The following BBX variants were observed in gnomAD, a reference collection of about 807,000 sequenced individuals.
BBX encodes HMG box transcription factor BBX.
BBX carries 30 observed loss-of-function variants against 100.2 expected under a neutral mutation model. That is an observed-to-expected ratio of 0.30 (90% CI 0.22 to 0.41). BBX has a LOEUF of 0.41. Ranked by LOEUF, BBX falls within the 10% of genes least tolerant of loss-of-function variation. BBX has a pLI of 1.00. For synonymous variants in BBX, 376 were observed against 388.1 expected (o/e 0.97, Z 0.37); for missense variants, 1,023 against 1,129.8 (o/e 0.91, Z 1.35).
At position 107,670,124 on chromosome 3, in the gene BBX, G is replaced by A. The variant is rs564624423; in HGVS notation, c.-10+24215G>A. On this transcript the variant is annotated intron_variant, in intron 3 of 17. Transcript: ENST00000325805. ...TAGATTTAACTATTTCTTATTCACA[G>A]CATTTGAGGAAATGCACTTTAAATT... Among the ~76,000 whole-genome samples the A allele has an allele frequency of 5.9e-5, 9 of 152,094 alleles. No individual in the cohort carries two copies. The South Asian group carries it at 1.9e-3, about 32-fold the overall frequency.
intron 2 of BBX, among the ~76,000 whole-genome samples, chr3:107,590,558 A>G (rs1169713890): frequency 6.6e-6 from 1 of 152,068 alleles, no homozygotes; most frequent in Non-Finnish European, 1.5e-5. Flanking sequence ...TCTACTCTCT[A>G]CCTCCATAAG....
At chr3:107,712,687 C>A (rs1187839435) in intron 4 of BBX, among the ~76,000 whole-genome samples, 1 of 152,178 alleles carries the variant, frequency 6.6e-6, no homozygotes, top group African/African-American at 2.4e-5. Flanking sequence ...CCGGCCTCTG[C>A]TCTTGCCCTC....
intron 3 of BBX, among the ~76,000 whole-genome samples, chr3:107,690,443 G>A (rs2060089588): frequency 6.6e-6 from 1 of 152,146 alleles, no homozygotes; most frequent in Non-Finnish European, 1.5e-5. Flanking sequence ...CTAAATTAAT[G>A]AGAAATGGTT....
At chr3:107,600,544 G>T (rs1171498560) in intron 2 of BBX, among the ~76,000 whole-genome samples, 1 of 152,132 alleles carries the variant, frequency 6.6e-6, no homozygotes, top group African/African-American at 2.4e-5. Flanking sequence ...ATACAAAGGT[G>T]CTGGCACTGT....
intron 2 of BBX, among the ~76,000 whole-genome samples, chr3:107,580,399 T>G (rs868674082): frequency 1.3e-5 from 2 of 152,204 alleles, no homozygotes; most frequent in Non-Finnish European, 2.9e-5. Flanking sequence ...AACATTGTTA[T>G]TCAGTATTAT....
chr3:107,775,650 T>C (rs998874269), intron 12 of BBX, among the ~76,000 whole-genome samples: 3 of 151,854 alleles, frequency 2.0e-5, no homozygotes, highest in Admixed American at 1.3e-4. Flanking sequence ...TTTTCAAAAG[T>C]GTGTTTAAAG....
chr3:107,774,841 G>C lies in BBX; in HGVS notation c.2038G>C (p.Glu680Gln). Residue 680 changes from glutamate to glutamine, a missense_variant, in exon 12 of 18, where the codon GAA becomes CAA. By Grantham distance (29) the Glu-to-Gln change is conservative. Transcript: ENST00000325805. ...SKKFKKTKPK[E>Q]DCLLGSAKLD... Reference sequence around the variant, plus strand: ...GAAGTTCAAGAAGACAAAGCCAAAAGAAGACTGTCTCCTTGGGTAAGTGCC... The same window carrying C: ...GAAGTTCAAGAAGACAAAGCCAAAACAAGACTGTCTCCTTGGGTAAGTGCC... The C allele has an allele frequency of 6.2e-7, 1 of 1,613,246 alleles. No individual in the cohort carries two copies. Among genetic ancestry groups the C allele is most frequent in the Non-Finnish European group, 8.5e-7 (1 of 1,179,480 alleles).
chr3:107,714,071 GT>G (rs1035417276), intron 4 of BBX, among the ~76,000 whole-genome samples: 2 of 145,752 alleles, frequency 1.4e-5, no homozygotes, highest in Non-Finnish European at 3.0e-5. Flanking sequence ...CTCCTCCCAG[GT>G]TCAGGTGATT....
intron 15 of BBX, among the ~76,000 whole-genome samples, chr3:107,791,741 G>A (rs547073923): frequency 1.3e-5 from 2 of 152,292 alleles, no homozygotes; most frequent in East Asian, 1.9e-4. Flanking sequence ...AGTGGCTCAC[G>A]CCTGTAATCC....
intron 2 of BBX, among the ~76,000 whole-genome samples, chr3:107,589,546 G>A (rs538671537): frequency 6.6e-6 from 1 of 152,212 alleles, no homozygotes; most frequent in African/African-American, 2.4e-5. Flanking sequence ...TAGCAGCACC[G>A]GTTTAAGTGA....
intron 3 of BBX, chr3:107,662,600 A>G (rs956296571): frequency 6.6e-6 from 1 of 152,034 alleles, no homozygotes. Context: ...TGCATTCTGA[A>G]TAACATAAAC....
chr3:107,799,775 G>C (rs1348188307), intron 16 of BBX, among the ~76,000 whole-genome samples: 4 of 152,150 alleles, frequency 2.6e-5, no homozygotes, highest in Non-Finnish European at 4.4e-5. Flanking sequence ...TTTCAATCAT[G>C]GCCTGTTGTC....
chr3:107,595,184 C>T (rs145677683), intron 2 of BBX, among the ~76,000 whole-genome samples: 10 of 152,132 alleles, frequency 6.6e-5, no homozygotes, highest in Non-Finnish European at 1.2e-4. Context: ...CCTTTGTGAC[C>T]TTGAGCAAGT....
chr3:107,689,031 G>A (rs1344295466), intron 3 of BBX, among the ~76,000 whole-genome samples: 4 of 152,258 alleles, frequency 2.6e-5, no homozygotes, highest in East Asian at 3.9e-4. Context: ...AGCAGACAAC[G>A]ACAGGTTTTC....
chr3:107,620,253 C>T (rs968048798), intron 2 of BBX, among the ~76,000 whole-genome samples: 9 of 152,032 alleles, frequency 5.9e-5, no homozygotes, highest in Non-Finnish European at 1.2e-4. Context: ...ACTAATATAT[C>T]TTCTGTTTCT....
At position 107,798,845 on chromosome 3, in the gene BBX, A is replaced by C. The variant is rs533853967; in HGVS notation, c.2551+125A>C. On this transcript the variant is annotated intron_variant, in intron 16 of 17. Transcript: ENST00000325805. ...CAATAGCCAATGAGCTAAAAAAAAA[A>C]AAAAACAAAAACAAAAAAAACCAGG... is the stretch of plus-strand genomic sequence containing the variant. The C allele has an allele frequency of 1.4e-3, 1,489 of 1,092,618 alleles. 6 individuals carry two copies. The highest frequency in any genetic ancestry group is 0.013 in the African/African-American group (815 of 62,218). The allele number at this position is 1,092,618 out of a possible 1,614,324, so 67.7% of individuals were successfully genotyped here. A position where few individuals can be genotyped will look rare whatever the true frequency, so the allele number is the denominator to read the frequency against.
At chr3:107,748,501 A>G (rs2064809388) in intron 9 of BBX, among the ~76,000 whole-genome samples, 1 of 152,162 alleles carries the variant, frequency 6.6e-6, no homozygotes, top group African/African-American at 2.4e-5. Flanking sequence ...TTCAGCCAGT[A>G]TTTTTATTAG....
At chr3:107,804,826 G>A (rs1266426883) in intron 17 of BBX, among the ~76,000 whole-genome samples, 2 of 137,370 alleles carry the variant, frequency 1.5e-5, no homozygotes, top group Admixed American at 1.4e-4. Flanking sequence ...TTTTTTTTTT[G>A]GAGTCACAGT....
chr3:107,557,721 A>G (rs1018304133), intron 2 of BBX, among the ~76,000 whole-genome samples: 1 of 152,202 alleles, frequency 6.6e-6, no homozygotes, highest in African/African-American at 2.4e-5. Flanking sequence ...TTCAGGGAGT[A>G]GATATTAAAG....
Sources: allele counts gnomAD v4.1 joint callset (sites outside exome capture counted in the v4.1 genomes callset), GRCh38; gene constraint gnomAD v4.1.1; transcripts MANE v1.5; gene names NCBI Gene and HGNC (gene_info 2026-07-23, HGNC 2026-07-21).